TPTE: variants seen among roughly 807,000 people sequenced by gnomAD.
TPTE encodes the protein putative tyrosine-protein phosphatase TPTE.
A neutral mutation model predicts 84.1 loss-of-function variants in TPTE; 59 were observed. The observed-to-expected ratio is 0.70, with a 90% CI of 0.57 to 0.87. The LOEUF (loss-of-function observed/expected upper bound fraction) is 0.87, where lower values mean the gene tolerates loss of function less well. TPTE is among the 40% of genes least tolerant of loss of function. The pLI is 0.00. For synonymous variants in TPTE, 130 were observed against 223.5 expected (o/e 0.58, Z 3.73); for missense variants, 382 against 659.6 (o/e 0.58, Z 4.61).
Position 10,533,911 on chromosome 21 carries a change from C to T in TPTE, c.-43-4770C>T, listed in dbSNP as rs547358153. ...ACTGCAAGCTGGCAATGTGGCCAGA[C>T]AGCATTATGGACAGAAAATGGAAGT... is the stretch of plus-strand genomic sequence containing the variant. On this transcript the variant is annotated intron_variant, in intron 3 of 23. Transcript: ENST00000618007. Among the ~76,000 whole-genome samples the T allele has an allele frequency of 1.4e-4, 21 of 152,410 alleles. No homozygotes were observed. The East Asian group carries it at 2.9e-3, about 21-fold the overall frequency.
intron 3 of TPTE, among the ~76,000 whole-genome samples, chr21:10,531,248 GGT>G (rs2074173428): frequency 6.6e-6 from 1 of 152,220 alleles, no homozygotes; most frequent in African/African-American, 2.4e-5. Context: ...CCTAATGGAA[GGT>G]GTTTGGAAGA....
At chr21:10,590,953 T>G (rs1375451042) in intron 18 of TPTE, among the ~76,000 whole-genome samples, 3 of 152,312 alleles carry the variant, frequency 2.0e-5, no homozygotes, top group Non-Finnish European at 4.4e-5. Context: ...GTAATCAAGA[T>G]GCTTCCCTCA....
At chr21:10,600,681 T>A (rs1400799132) in intron 21 of TPTE, among the ~76,000 whole-genome samples, 1 of 152,310 alleles carries the variant, frequency 6.6e-6, no homozygotes, top group Non-Finnish European at 1.5e-5. Context: ...GTTTCTTAAG[T>A]GTACAGCTCC....
At chr21:10,558,761 G>GGCTTCTCCTCCTGAAGAGCCTCCAA in intron 8 of TPTE, among the ~76,000 whole-genome samples, 1 of 152,094 alleles carries the variant, frequency 6.6e-6, no homozygotes, top group African/African-American at 2.4e-5. Context: ...CTGTGTTGGA[G>GGCTTCTCCTCCTGAAGAGCCTCCAA]GCTTCTCCTC....
intron 10 of TPTE, among the ~76,000 whole-genome samples, chr21:10,566,395 T>A (rs1195293914): frequency 2.0e-5 from 3 of 152,306 alleles, no homozygotes; most frequent in African/African-American, 4.8e-5. Flanking sequence ...AGAACCCTCA[T>A]ACACTGTTCA....
At chr21:10,536,373 C>T (rs1354385541) in intron 3 of TPTE, among the ~76,000 whole-genome samples, 20 of 152,422 alleles carry the variant, frequency 1.3e-4, no homozygotes, top group Non-Finnish European at 2.6e-4. Flanking sequence ...CTGTTTGATT[C>T]AAAAAGTAAG....
chr21:10,569,597 C>CAAGGGTTGAT (rs2075000399), intron 12 of TPTE, 61 bp downstream of exon 12: 1 of 1,613,708 alleles, frequency 6.2e-7, no homozygotes, highest in Non-Finnish European at 8.5e-7. Flanking sequence ...GACCCATTGA[C>CAAGGGTTGAT]AAGGGTTGAT....
chr21:10,564,079 G>A (rs1250693756), intron 10 of TPTE, among the ~76,000 whole-genome samples: 25 of 152,298 alleles, frequency 1.6e-4, no homozygotes, highest in Admixed American at 2.6e-4. Flanking sequence ...ACTTGAACCC[G>A]GGAGGCAGAG....
chr21:10,528,523 T>C (rs1168030326), intron 3 of TPTE, among the ~76,000 whole-genome samples: 2 of 152,308 alleles, frequency 1.3e-5, no homozygotes, highest in African/African-American at 4.8e-5. Context: ...CACCGCTCCA[T>C]GTGGCAAATC....
chr21:10,573,729 A>G (rs2075092318), intron 14 of TPTE, among the ~76,000 whole-genome samples: 1 of 152,306 alleles, frequency 6.6e-6, no homozygotes, highest in Non-Finnish European at 1.5e-5. Context: ...TTTTTAAAGA[A>G]TGAAGGAAAC....
chr21:10,603,089 C>T (rs113555632), intron 22 of TPTE, among the ~76,000 whole-genome samples: 1 of 152,280 alleles, frequency 6.6e-6, no homozygotes, highest in African/African-American at 2.4e-5. Flanking sequence ...ATATCAGGAT[C>T]AGTCACATGG....
intron 1 of TPTE, among the ~76,000 whole-genome samples, chr21:10,523,910 A>C (rs1354123625): frequency 6.6e-6 from 1 of 152,304 alleles, no homozygotes; most frequent in Non-Finnish European, 1.5e-5. Context: ...TTACAGTCCC[A>C]CCAACAGTGT....
intron 10 of TPTE, among the ~76,000 whole-genome samples, chr21:10,565,191 TA>T (rs2074896575): frequency 6.6e-6 from 1 of 152,250 alleles, no homozygotes; most frequent in Admixed American, 6.5e-5. Flanking sequence ...CAAAAATCAG[TA>T]GCATTTCTAT....
chr21:10,530,832 C>A (rs2074164817), intron 3 of TPTE, among the ~76,000 whole-genome samples: 2 of 152,308 alleles, frequency 1.3e-5, no homozygotes, highest in South Asian at 4.1e-4. Context: ...CATTATCAAA[C>A]TTTCCAATTT....
intron 3 of TPTE, among the ~76,000 whole-genome samples, chr21:10,531,832 C>G (rs2074183841): frequency 1.3e-5 from 2 of 152,302 alleles, no homozygotes; most frequent in African/African-American, 4.8e-5. Context: ...TACTTAGAGT[C>G]TACCCTTCAA....
intron 3 of TPTE, among the ~76,000 whole-genome samples, chr21:10,533,018 A>G (rs1330921628): frequency 3.3e-5 from 5 of 152,302 alleles, no homozygotes; most frequent in African/African-American, 4.8e-5. Context: ...TGGGAAATTT[A>G]TCATCATAAA....
Position 10,559,996 on chromosome 21 carries a change from T to G in TPTE, c.284+452T>G, listed in dbSNP as rs2074763984. Among the ~76,000 whole-genome samples, 4 of 152,398 alleles carry G rather than the reference T, an allele frequency of 2.6e-5. No homozygotes were observed. In the South Asian group the frequency reaches 8.3e-4, roughly 32 times the overall value. On this transcript the variant is annotated intron_variant, in intron 9 of 23. Transcript: ENST00000618007. ...ACTGAAATAAAATAACAAAAAAGCA[T>G]TTCCACTGTCCATCAGTTGCTAAGT...
intron 17 of TPTE, among the ~76,000 whole-genome samples, chr21:10,580,838 A>G (rs1194240789): frequency 6.6e-6 from 1 of 152,312 alleles, no homozygotes; most frequent in Non-Finnish European, 1.5e-5. Context: ...GATACGAAGA[A>G]GTTGACATTG....
At chr21:10,574,332 C>G (rs2075107670) in intron 14 of TPTE, among the ~76,000 whole-genome samples, 2 of 152,420 alleles carry the variant, frequency 1.3e-5, no homozygotes, top group Admixed American at 1.3e-4. Context: ...CTGAACAGGA[C>G]AGGGCTGCAA....
Sources: gnomAD v4.1 joint callset for allele counts (sites outside exome capture counted in the v4.1 genomes callset) on GRCh38, gnomAD v4.1.1 for gene constraint, MANE v1.5 for transcripts, NCBI Gene and HGNC (gene_info 2026-07-23, HGNC 2026-07-21) for gene names.